The following CNIH3 variants were observed in gnomAD, a reference collection of about 807,000 sequenced individuals.
CNIH3 encodes cornichon family AMPA receptor auxiliary protein 3.
In CNIH3, 14 loss-of-function variants were observed where a neutral mutation model predicts 24.1. The observed-to-expected ratio is 0.58, with a 90% CI of 0.38 to 0.91. The LOEUF (loss-of-function observed/expected upper bound fraction) is 0.91. Among genes scored for constraint, CNIH3 ranks in the 40% least tolerant of loss-of-function variants. CNIH3 has a pLI of 0.00. For synonymous variants in CNIH3, 68 were observed against 73.8 expected (o/e 0.92, Z 0.40); for missense variants, 178 against 196.8 (o/e 0.90, Z 0.57).
chr1:224,475,233 G>A (rs1368866197), intron 1 of CNIH3, among the ~76,000 whole-genome samples: 1 of 150,750 alleles, frequency 6.6e-6, no homozygotes, highest in Admixed American at 6.6e-5. Context: ...GCATGCGCCT[G>A]TAGTCCCAGC....
intron 1 of CNIH3, among the ~76,000 whole-genome samples, chr1:224,617,654 T>C (rs1445599062): frequency 6.6e-6 from 1 of 152,198 alleles, no homozygotes; most frequent in Non-Finnish European, 1.5e-5. Context: ...ATTTAAAATG[T>C]CAGCATCTGT....
chr1:224,655,500 A>T (rs1685055406), intron 1 of CNIH3, among the ~76,000 whole-genome samples: 1 of 151,672 alleles, frequency 6.6e-6, no homozygotes. Context: ...TCCTAGTTAG[A>T]CTCCTCGGTT....
chr1:224,614,042 C>A (rs1229525615), upstream of CNIH3, among the ~76,000 whole-genome samples: 2 of 152,078 alleles, frequency 1.3e-5, no homozygotes, highest in East Asian at 3.9e-4. Flanking sequence ...CCACACCCGG[C>A]TAATTTTTGT....
chr1:224,540,631 T>C (rs1283782007), downstream of CNIH3, among the ~76,000 whole-genome samples: 1 of 152,224 alleles, frequency 6.6e-6, no homozygotes, highest in Non-Finnish European at 1.5e-5. Flanking sequence ...AGAAAACTCA[T>C]GCAGCCAAAC....
intron 4 of CNIH3, among the ~76,000 whole-genome samples, chr1:224,579,939 C>G (rs1681201290): frequency 6.6e-6 from 1 of 152,184 alleles, no homozygotes; most frequent in Non-Finnish European, 1.5e-5. Context: ...GTATTCCTTT[C>G]TAGCAACACA....
chr1:224,700,716 C>A (rs1687439987), intron 3 of CNIH3, among the ~76,000 whole-genome samples: 1 of 152,168 alleles, frequency 6.6e-6, no homozygotes, highest in Non-Finnish European at 1.5e-5. Context: ...ACAGAAGGGA[C>A]TGGGTCCTGC....
intron 1 of CNIH3, among the ~76,000 whole-genome samples, chr1:224,672,707 T>C (rs561434916): frequency 7.2e-5 from 11 of 152,300 alleles, no homozygotes; most frequent in African/African-American, 2.6e-4. Context: ...ACCCTATTTC[T>C]AAATAAGGTC....
chr1:224,684,545 G>A lies in CNIH3; in HGVS notation c.151-251G>A, dbSNP rs560442060. Among the ~76,000 whole-genome samples, 1 of 152,344 alleles carries A rather than the reference G, an allele frequency of 6.6e-6. No homozygotes were observed. Among genetic ancestry groups the A allele is most frequent in the South Asian group, 2.1e-4 (1 of 4,820 alleles). On this transcript the variant is annotated intron_variant, in intron 2 of 5. Transcript: ENST00000272133. This position sits in a 1 kb window ranked among gnomAD's most constrained non-coding sequence, Gnocchi z 4.2. Reference sequence around the variant, plus strand: ...GGAACAGAAATCCGTGCTGGACTGAGAGGGCAGTTGAGCCCATGCTGTTTG... The same window carrying A: ...GGAACAGAAATCCGTGCTGGACTGAAAGGGCAGTTGAGCCCATGCTGTTTG...
At chr1:224,500,831 A>G (rs567905817) in intron 1 of CNIH3, among the ~76,000 whole-genome samples, 1 of 152,144 alleles carries the variant, frequency 6.6e-6, no homozygotes, top group African/African-American at 2.4e-5. Context: ...ATTTCCCTTG[A>G]CCTCAAGACT....
intron 3 of CNIH3, among the ~76,000 whole-genome samples, chr1:224,605,986 G>T (rs780900712): frequency 6.6e-6 from 1 of 152,148 alleles, no homozygotes; most frequent in Non-Finnish European, 1.5e-5. Flanking sequence ...ATTCACAAAG[G>T]GGGTGACTCG....
chr1:224,681,147 C>T (rs1185864865), intron 2 of CNIH3, 121 bp downstream of exon 2: 1 of 825,966 alleles, frequency 1.2e-6, no homozygotes, highest in African/African-American at 1.7e-5. Flanking sequence ...CTCACTGTGC[C>T]TCTCTACCTG....
chr1:224,435,403 C>T (rs1342031953), intron 1 of CNIH3, among the ~76,000 whole-genome samples: 1 of 152,212 alleles, frequency 6.6e-6, no homozygotes, highest in Admixed American at 6.5e-5. Context: ...CGGTGAGACT[C>T]TGCTCCACCC....
chr1:224,689,435 G>A (rs890626486), intron 3 of CNIH3, among the ~76,000 whole-genome samples: 5 of 152,138 alleles, frequency 3.3e-5, no homozygotes, highest in Non-Finnish European at 5.9e-5. Flanking sequence ...TCCCCTCTTA[G>A]CATCCCCTCC....
chr1:224,698,430 G>A (rs541137446), intron 3 of CNIH3, among the ~76,000 whole-genome samples: 4 of 152,284 alleles, frequency 2.6e-5, no homozygotes, highest in Middle Eastern at 3.4e-3. Context: ...ACCACTCAGC[G>A]CACCAGCATA....
At chr1:224,664,253 G>T (rs910865502) in intron 1 of CNIH3, among the ~76,000 whole-genome samples, 2 of 152,124 alleles carry the variant, frequency 1.3e-5, no homozygotes, top group African/African-American at 2.4e-5. Flanking sequence ...TTGCCTGAGG[G>T]TCGGTTTTCT....
intron 3 of CNIH3, among the ~76,000 whole-genome samples, chr1:224,709,603 A>G (rs1366210137): frequency 2.6e-5 from 4 of 152,180 alleles, no homozygotes; most frequent in Non-Finnish European, 5.9e-5. Context: ...AACCTACCAC[A>G]TGCTTGCAGG....
rs1682991999 is a variant in CNIH3, at chr1:224,616,457, C to G, written c.-718C>G. ...GGTGGAGCCAGTGCTCGCCCCGGTCCGACCCCCGGTTTCCGGGACACTTGG... is the reference window on the plus strand; with the variant it reads ...GGTGGAGCCAGTGCTCGCCCCGGTCGGACCCCCGGTTTCCGGGACACTTGG... On this transcript the variant is annotated 5_prime_UTR_variant, in exon 1 of 6. Coordinates refer to ENST00000272133, the MANE Select transcript of CNIH3 (RefSeq NM_152495.2). The G allele has an allele frequency of 1.0e-6, 1 of 989,022 alleles. No homozygotes were observed. Among genetic ancestry groups the G allele is most frequent in the Non-Finnish European group, 1.2e-6 (1 of 831,722 alleles). The allele number at this position is 989,022 out of a possible 1,614,324, so 61.3% of individuals were successfully genotyped here. A position where few individuals can be genotyped will look rare whatever the true frequency, so the allele number is the denominator to read the frequency against.
At chr1:224,675,425 G>T (rs12139845) in intron 1 of CNIH3, among the ~76,000 whole-genome samples, 5 of 152,134 alleles carry the variant, frequency 3.3e-5, no homozygotes, top group African/African-American at 7.2e-5. Context: ...GAGTTCATAG[G>T]TTGAATACCC....
chr1:224,556,916 CT>C (rs753476072), intron 3 of CNIH3, among the ~76,000 whole-genome samples: 1 of 152,192 alleles, frequency 6.6e-6, no homozygotes, highest in Non-Finnish European at 1.5e-5. Flanking sequence ...TGCTGTTTCA[CT>C]TTCTCAGGCA....
Sources: allele counts gnomAD v4.1 joint callset (sites outside exome capture counted in the v4.1 genomes callset), GRCh38; gene constraint gnomAD v4.1.1; non-coding constraint Gnocchi (gnomAD v3.1); transcripts MANE v1.5; gene names NCBI Gene and HGNC (gene_info 2026-07-23, HGNC 2026-07-21).